Variants in KIAA1217 observed in about 807,000 individuals in gnomAD.
The protein encoded by KIAA1217 is sickle tail protein homolog.
A neutral mutation model predicts 163.9 loss-of-function variants in KIAA1217; 88 were observed. That is an observed-to-expected ratio of 0.54 (90% CI 0.45 to 0.64). The LOEUF is 0.64. Ranked by LOEUF, KIAA1217 falls within the 30% of genes least tolerant of loss-of-function variation. KIAA1217 has a pLI of 0.00. For synonymous variants in KIAA1217, 903 were observed against 923.1 expected (o/e 0.98, Z 0.39); for missense variants, 2,372 against 2,475.0 (o/e 0.96, Z 0.88).
chr10:24,122,201 T>C (rs916655836), intron 2 of KIAA1217, among the ~76,000 whole-genome samples: 2 of 151,858 alleles, frequency 1.3e-5, no homozygotes, highest in African/African-American at 4.8e-5. Flanking sequence ...TTTATGTCCA[T>C]GTGTACCCAA....
chr10:23,694,949 C>A (rs565123568), exon 1 of KIAA1217: 1 of 152,240 alleles, frequency 6.6e-6, no homozygotes, highest in African/African-American at 2.4e-5. Flanking sequence ...AACTGCAAGT[C>A]GGGCAGAAAC....
chr10:24,111,694 A>C (rs185629552), intron 2 of KIAA1217, among the ~76,000 whole-genome samples: 3 of 152,312 alleles, frequency 2.0e-5, no homozygotes, highest in African/African-American at 7.2e-5. Flanking sequence ...CAGGCAGAAA[A>C]AAAAATCAGA....
At chr10:24,048,468 C>T (rs753956322) in intron 2 of KIAA1217, among the ~76,000 whole-genome samples, 11 of 152,312 alleles carry the variant, frequency 7.2e-5, no homozygotes, top group Admixed American at 1.3e-4. Flanking sequence ...CGGTGGCTCA[C>T]GCCTTTAATC....
intron 2 of KIAA1217, among the ~76,000 whole-genome samples, chr10:24,224,343 C>CTT (rs141232731): frequency 2.0e-5 from 3 of 148,680 alleles, no homozygotes; most frequent in Non-Finnish European, 4.5e-5. Flanking sequence ...TTTTTTCTTT[C>CTT]TTTTTTTTTT....
At position 24,002,427 on chromosome 10, in the gene KIAA1217, G is replaced by C. The variant is rs1846786025; in HGVS notation, c.-320-4798G>C. Among the ~76,000 whole-genome samples, 3 of 152,094 alleles carry C rather than the reference G, an allele frequency of 2.0e-5. No homozygotes were observed. The East Asian group carries it at 5.8e-4, about 29-fold the overall frequency. ...ACGGAGGCACTTTTAGAACATTCCA[G>C]AGAACTTGCCTCTCTCCTTCTTTAC... is the stretch of plus-strand genomic sequence containing the variant. On this transcript the variant is annotated intron_variant, in intron 1 of 18. Transcript: ENST00000376462.
chr10:23,785,586 C>G (rs1296095326), intron 1 of KIAA1217, among the ~76,000 whole-genome samples: 8 of 152,034 alleles, frequency 5.3e-5, no homozygotes, highest in African/African-American at 1.9e-4. Context: ...CTACAAATAC[C>G]TCACTTTTAA....
chr10:23,708,100 A>G (rs1837005425), intron 1 of KIAA1217, among the ~76,000 whole-genome samples: 1 of 152,158 alleles, frequency 6.6e-6, no homozygotes, highest in Non-Finnish European at 1.5e-5. Context: ...CAGAAGACAA[A>G]AGGTACCTCT....
At chr10:23,857,153 G>T (rs1233454254) in intron 1 of KIAA1217, among the ~76,000 whole-genome samples, 1 of 152,192 alleles carries the variant, frequency 6.6e-6, no homozygotes. Context: ...GGCCATCTTG[G>T]CGCTCTCTCA....
At position 24,209,172 on chromosome 10, in the gene KIAA1217, GC is replaced by G. The variant is rs763949107; in HGVS notation, c.-21del. 1 of 1,612,706 alleles carries G rather than the reference GC, an allele frequency of 6.2e-7. No homozygotes were observed. Among genetic ancestry groups the G allele is most frequent in the Non-Finnish European group, 8.5e-7 (1 of 1,178,890 alleles). ...CTCTGAAGTTTCCAGAGAGCGAGGA[GC>G]TTTTGCGGCAGGCAGAGACAATGGA... On this transcript the variant is annotated 5_prime_UTR_variant, in exon 1 of 21. Coordinates refer to ENST00000376454, the MANE Select transcript of KIAA1217 (RefSeq NM_019590.5).
At chr10:24,293,820 T>G (rs528270218) in intron 2 of KIAA1217, among the ~76,000 whole-genome samples, 1 of 152,300 alleles carries the variant, frequency 6.6e-6, no homozygotes, top group African/African-American at 2.4e-5. Context: ...AGCTCACAGA[T>G]AGAGTGCAGA....
chr10:24,082,317 G>A (rs1467971522), intron 2 of KIAA1217, among the ~76,000 whole-genome samples: 2 of 151,976 alleles, frequency 1.3e-5, no homozygotes, highest in East Asian at 3.9e-4. Context: ...ATGTGCCATG[G>A]TGGTTTGCTG....
intron 2 of KIAA1217, among the ~76,000 whole-genome samples, chr10:24,053,993 G>GA (rs995986660): frequency 6.6e-6 from 1 of 151,062 alleles, no homozygotes; most frequent in South Asian, 2.1e-4. Context: ...AATTTCAAGG[G>GA]AAAAAAAAAG....
rs563345267 is a variant in KIAA1217 at position 23,800,467 on chromosome 10, C to T, written c.-321+105233C>T. 5.9e-5 allele frequency among the ~76,000 whole-genome samples: 9 copies of T among 152,222 alleles called. No individual in the cohort carries two copies. The South Asian group carries it at 1.9e-3, about 32-fold the overall frequency. ...GCTTCTCAGTGGTCACACCATTCAT[C>T]TCCAAATGCCTGGGTTCTGTAAGAT... On this transcript the variant is annotated intron_variant, in intron 1 of 18. Transcript: ENST00000376462.
chr10:24,012,432 A>G (rs1847275769), intron 2 of KIAA1217, among the ~76,000 whole-genome samples: 1 of 152,182 alleles, frequency 6.6e-6, no homozygotes, highest in Non-Finnish European at 1.5e-5. Context: ...CTGAGCCAAG[A>G]AGCAAAAGCT....
At chr10:24,134,933 G>A (rs1188658694) in intron 2 of KIAA1217, among the ~76,000 whole-genome samples, 1 of 152,116 alleles carries the variant, frequency 6.6e-6, no homozygotes, top group Non-Finnish European at 1.5e-5. Context: ...TAGGTTAGGT[G>A]TGAAAACAAG....
intron 1 of KIAA1217, among the ~76,000 whole-genome samples, chr10:23,897,097 A>C (rs535742203): frequency 6.6e-6 from 1 of 152,196 alleles, no homozygotes; most frequent in African/African-American, 2.4e-5. Context: ...GCGTTCATAT[A>C]GTTAAACTTG....
chr10:23,848,448 C>A (rs1839146617), intron 1 of KIAA1217, among the ~76,000 whole-genome samples: 1 of 151,914 alleles, frequency 6.6e-6, no homozygotes, highest in African/African-American at 2.4e-5. Flanking sequence ...CCTTCTTTAT[C>A]TCTTTTCAAC....
chr10:24,314,873 G>C (rs547741800), intron 2 of KIAA1217, among the ~76,000 whole-genome samples: 1 of 152,302 alleles, frequency 6.6e-6, no homozygotes, highest in East Asian at 1.9e-4. Context: ...GAACCCAGGA[G>C]GCAGAGCTTG....
intron 1 of KIAA1217, among the ~76,000 whole-genome samples, chr10:23,768,518 G>T (rs963197574): frequency 6.6e-6 from 1 of 152,194 alleles, no homozygotes; most frequent in African/African-American, 2.4e-5. Flanking sequence ...GAAATTTCCT[G>T]TGCTACTCTT....
Sources: gnomAD v4.1 joint callset for allele counts (sites outside exome capture counted in the v4.1 genomes callset) on GRCh38, gnomAD v4.1.1 for gene constraint, MANE v1.5 for transcripts, NCBI Gene and HGNC (gene_info 2026-07-23, HGNC 2026-07-21) for gene names.